Variants in FGGY observed in about 807,000 individuals in gnomAD.
The protein encoded by FGGY is FGGY carbohydrate kinase domain-containing protein.
In FGGY, 72 loss-of-function variants were observed where a neutral mutation model predicts 71.3. The ratio of observed to expected loss-of-function variants is 1.01; its 90% CI spans 0.84 to 1.23. The LOEUF (loss-of-function observed/expected upper bound fraction) is 1.23. Ranked by LOEUF, FGGY falls within the 50% of genes most tolerant of loss-of-function variation. The pLI is 0.00. For synonymous variants in FGGY, 251 were observed against 250.3 expected (o/e 1.00, Z -0.02); for missense variants, 668 against 682.3 (o/e 0.98, Z 0.23).
chr1:59,312,266 A>G (rs2044481014), intron 1 of FGGY, among the ~76,000 whole-genome samples: 1 of 152,076 alleles, frequency 6.6e-6, no homozygotes, highest in South Asian at 2.1e-4. Context: ...ATTAGTTCCC[A>G]TCTGTCAATT....
At chr1:59,419,113 GTTGTT>G (rs1431206885) in intron 5 of FGGY, among the ~76,000 whole-genome samples, 4 of 152,220 alleles carry the variant, frequency 2.6e-5, no homozygotes, top group Non-Finnish European at 4.4e-5. Flanking sequence ...GCATATCAAT[GTTGTT>G]TTGTTCTGGT....
chr1:59,349,410 A>G (rs1015627562), intron 4 of FGGY, among the ~76,000 whole-genome samples: 10 of 152,186 alleles, frequency 6.6e-5, no homozygotes, highest in African/African-American at 2.4e-4. Context: ...TCATTGGTTC[A>G]GTGTCAGGGC....
intron 4 of FGGY, among the ~76,000 whole-genome samples, chr1:59,356,690 C>A (rs866558413): frequency 4.6e-5 from 7 of 152,190 alleles, no homozygotes; most frequent in Admixed American, 2.0e-4. Context: ...CCAATCATTT[C>A]ATTCCAAACT....
rs993404038 is a variant in FGGY, at chr1:59,340,015, T to C, written c.259T>C (p.Cys87Arg). The C allele has an allele frequency of 1.2e-6, 2 of 1,613,352 alleles. No individual in the cohort carries two copies. Among genetic ancestry groups the C allele is most frequent in the African/African-American group, 1.3e-5 (1 of 74,908 alleles). Residue 87 changes from cysteine to arginine, a missense_variant, in exon 3 of 16, where the codon TGT (cysteine) becomes CGT (arginine). Transcript: ENST00000303721. ...QIRGLGFDAT[C>R]SLVVLDKQFH... ...TCGAGGACTTGGGTTTGATGCCACG[T>C]GTTCTCTGGTTGTTTTGGATAAGCA...
chr1:59,433,276 G>T (rs940314981), intron 5 of FGGY, among the ~76,000 whole-genome samples: 1 of 152,172 alleles, frequency 6.6e-6, no homozygotes. Context: ...TCCATGCATT[G>T]CCAGCTATCT....
At chr1:59,321,507 C>A in intron 1 of FGGY, 29 bp from the exon 2 acceptor site, 1 of 1,597,180 alleles carries the variant, frequency 6.3e-7, no homozygotes, top group Non-Finnish European at 8.6e-7. Context: ...ACTTGGTCTT[C>A]ATATGGTTTT....
At chr1:59,379,177 A>T (rs1456087918) in intron 5 of FGGY, among the ~76,000 whole-genome samples, 1 of 152,058 alleles carries the variant, frequency 6.6e-6, no homozygotes, top group Non-Finnish European at 1.5e-5. Context: ...ACACACACAC[A>T]CACACACACA....
chr1:59,583,720 C>A (rs2096234475), intron 8 of FGGY, among the ~76,000 whole-genome samples: 1 of 142,400 alleles, frequency 7.0e-6, no homozygotes, highest in Non-Finnish European at 1.5e-5. Flanking sequence ...TGATCTGAGT[C>A]CACCTCTGAA....
intron 6 of FGGY, among the ~76,000 whole-genome samples, chr1:59,461,433 A>C (rs1250390790): frequency 3.3e-5 from 5 of 152,228 alleles, no homozygotes; most frequent in Non-Finnish European, 7.3e-5. Flanking sequence ...AGAAGACCAT[A>C]TCTACATTTG....
chr1:59,638,503 A>G (rs1402492950), intron 11 of FGGY, 128 bp downstream of exon 11: 6 of 1,071,342 alleles, frequency 5.6e-6, no homozygotes, highest in Middle Eastern at 3.0e-4. Flanking sequence ...GGCTTTGTGC[A>G]GATGCATTGC....
intron 4 of FGGY, among the ~76,000 whole-genome samples, chr1:59,355,652 A>G (rs1184610457): frequency 6.6e-6 from 1 of 152,000 alleles, no homozygotes; most frequent in Admixed American, 6.6e-5. Context: ...GTGTAACAGC[A>G]TGCTGTTTTA....
intron 14 of FGGY, among the ~76,000 whole-genome samples, chr1:59,746,193 G>A (rs549557574): frequency 6.6e-6 from 1 of 152,208 alleles, no homozygotes; most frequent in South Asian, 2.1e-4. Flanking sequence ...TGAGATGCAG[G>A]GGAGACATGT....
intron 4 of FGGY, among the ~76,000 whole-genome samples, chr1:59,352,581 T>C (rs970399638): frequency 6.6e-6 from 1 of 151,784 alleles, no homozygotes; most frequent in Non-Finnish European, 1.5e-5. Flanking sequence ...GATTCTCCAA[T>C]TGGTAGATTC....
chr1:59,461,753 G>A (rs1156674606), intron 6 of FGGY, among the ~76,000 whole-genome samples: 4 of 152,026 alleles, frequency 2.6e-5, no homozygotes, highest in African/African-American at 9.7e-5. Flanking sequence ...AGAGAGTGGA[G>A]GCCAATATTC....
intron 7 of FGGY, among the ~76,000 whole-genome samples, chr1:59,530,874 T>C (rs2095123441): frequency 6.6e-6 from 1 of 152,156 alleles, no homozygotes; most frequent in Middle Eastern, 3.2e-3. Flanking sequence ...ATCCTTAAGG[T>C]ACTAGCTTGT....
intron 10 of FGGY, among the ~76,000 whole-genome samples, chr1:59,630,279 C>G (rs1193164681): frequency 6.6e-6 from 1 of 152,132 alleles, no homozygotes; most frequent in African/African-American, 2.4e-5. Flanking sequence ...GGTAGGGACA[C>G]AGCCAAACCA....
intron 12 of FGGY, among the ~76,000 whole-genome samples, chr1:59,661,986 T>C (rs1201669238): frequency 6.8e-6 from 1 of 146,760 alleles, no homozygotes; most frequent in Non-Finnish European, 1.5e-5. Flanking sequence ...CCCAAAGTGC[T>C]GGGATTACAG....
chr1:59,516,570 T>G (rs762459139), intron 7 of FGGY, among the ~76,000 whole-genome samples: 1 of 152,242 alleles, frequency 6.6e-6, no homozygotes, highest in Non-Finnish European at 1.5e-5. Context: ...TTTTGTCTCC[T>G]GTTATGCAGT....
intron 7 of FGGY, among the ~76,000 whole-genome samples, chr1:59,528,647 C>G (rs1458108879): frequency 2.0e-5 from 3 of 152,124 alleles, no homozygotes; most frequent in Non-Finnish European, 4.4e-5. Context: ...TGGATTTAGC[C>G]TCAGGAGTTA....
Sources: allele counts gnomAD v4.1 joint callset (sites outside exome capture counted in the v4.1 genomes callset), GRCh38; gene constraint gnomAD v4.1.1; transcripts MANE v1.5; gene names NCBI Gene and HGNC (gene_info 2026-07-23, HGNC 2026-07-21).